Variants in INTS4 observed in about 807,000 individuals in gnomAD.
INTS4 encodes integrator complex subunit 4.
A neutral mutation model predicts 119.5 loss-of-function variants in INTS4; 70 were observed. That is an observed-to-expected ratio of 0.59 (90% CI 0.48 to 0.71). The LOEUF is 0.71. Ranked by LOEUF, INTS4 falls within the 30% of genes least tolerant of loss-of-function variation. INTS4 has a pLI of 0.00. For synonymous variants in INTS4, 316 were observed against 419.6 expected, an observed-to-expected ratio of 0.75 and a Z score of 3.02; for missense variants, 867 against 1,173.2, an observed-to-expected ratio of 0.74 and a Z score of 3.81.
chr11:77,922,434 C>A lies in INTS4; in HGVS notation c.1552G>T (p.Val518Leu). The change falls in exon 13 of 23, where the codon GTG becomes TTG. Residue 518 changes from valine to leucine, a missense_variant. Physicochemically the swap from Val to Leu is conservative, Grantham distance 32. Coordinates refer to ENST00000534064, the MANE Select transcript of INTS4 (RefSeq NM_033547.4). Reference sequence around the variant, plus strand: ...AGAAGCTCTGGCACCAAGGGAAGCACCAGGGTTGGATGCCGACTTCCCAGA... The same window carrying A: ...AGAAGCTCTGGCACCAAGGGAAGCAACAGGGTTGGATGCCGACTTCCCAGA... ...KFLGSRHPTL[V>L]LPLVPELLST... 2.7e-6 allele frequency: 4 copies of A among 1,505,446 alleles called. No homozygotes were observed. The South Asian group carries it at 3.8e-5, about 14-fold the overall frequency. 93.3% of individuals were successfully genotyped at this position (1,505,446 alleles called of 1,614,324 possible). A position where few individuals can be genotyped will look rare whatever the true frequency, so the allele number is the denominator to read the frequency against.
intron 8 of INTS4, among the ~76,000 whole-genome samples, chr11:77,950,846 A>G (rs1174867154): frequency 6.8e-6 from 1 of 147,974 alleles, no homozygotes; most frequent in Non-Finnish European, 1.5e-5. Context: ...AACATTAGGT[A>G]TATCTCCTAA....
intron 3 of INTS4, 116 bp from the exon 4 acceptor site, chr11:77,979,218 C>A (rs183544098): frequency 7.1e-4 from 412 of 583,654 alleles, no homozygotes; most frequent in African/African-American, 6.7e-3. Flanking sequence ...CAACTGTAAT[C>A]CCAGCACTTT....
intron 21 of INTS4, among the ~76,000 whole-genome samples, chr11:77,887,856 C>T (rs1333895680): frequency 6.6e-6 from 1 of 152,148 alleles, no homozygotes; most frequent in Non-Finnish European, 1.5e-5. Flanking sequence ...CCTAGGAATC[C>T]AACTTACAAG....
intron 18 of INTS4, among the ~76,000 whole-genome samples, chr11:77,895,650 A>C (rs1453560682): frequency 6.6e-6 from 1 of 151,220 alleles, no homozygotes; most frequent in African/African-American, 2.4e-5. Context: ...AAGGAGTGAG[A>C]GGGCTAGAAG....
At chr11:77,931,276 A>G (rs541626755) in intron 10 of INTS4, among the ~76,000 whole-genome samples, 1 of 152,258 alleles carries the variant, frequency 6.6e-6, no homozygotes, top group Non-Finnish European at 1.5e-5. Context: ...TGGATAAATT[A>G]GAAGACTAGA....
At chr11:77,974,519 G>C (rs920176087) in intron 4 of INTS4, among the ~76,000 whole-genome samples, 3 of 151,254 alleles carry the variant, frequency 2.0e-5, no homozygotes, top group African/African-American at 7.3e-5. Context: ...GGGATTACAG[G>C]TGTGAGCCAC....
chr11:77,929,875 G>A (rs1207600677), intron 10 of INTS4, among the ~76,000 whole-genome samples: 4 of 152,156 alleles, frequency 2.6e-5, no homozygotes, highest in South Asian at 2.1e-4. Context: ...TAGGGACCCT[G>A]CCTGGCATAT....
chr11:77,955,574 C>A (rs1954299113), intron 8 of INTS4, among the ~76,000 whole-genome samples: 1 of 151,504 alleles, frequency 6.6e-6, no homozygotes, highest in Non-Finnish European at 1.5e-5. Flanking sequence ...TGGCTCACTG[C>A]AACTTCTGCC....
At chr11:77,948,156 G>C (rs1033267511) in intron 8 of INTS4, among the ~76,000 whole-genome samples, 7 of 151,208 alleles carry the variant, frequency 4.6e-5, no homozygotes, top group Admixed American at 6.6e-5. Flanking sequence ...CCTAACTGAA[G>C]ACTCTGTAGT....
chr11:77,966,920 C>G (rs1349480245), intron 4 of INTS4, among the ~76,000 whole-genome samples: 1 of 152,146 alleles, frequency 6.6e-6, no homozygotes, highest in East Asian at 1.9e-4. Context: ...TTTTAGGGAA[C>G]TGTCATACTG....
chr11:77,874,923 G>A (rs1176574991), downstream of INTS4, among the ~76,000 whole-genome samples: 1 of 152,000 alleles, frequency 6.6e-6, no homozygotes, highest in Non-Finnish European at 1.5e-5. Context: ...TGTAATCCCA[G>A]CTAGTCTACT....
intron 3 of INTS4, among the ~76,000 whole-genome samples, 198 bp from the exon 4 acceptor site, chr11:77,979,300 G>A (rs1476848867): frequency 5.3e-5 from 8 of 151,944 alleles, no homozygotes; most frequent in African/African-American, 9.7e-5. Flanking sequence ...GGGAGACTCC[G>A]TTTCTACAAA....
Position 77,891,436 on chromosome 11 carries a change from G to C in INTS4, c.2475C>G (p.Ile825Met). The C allele has an allele frequency of 6.2e-7, 1 of 1,613,760 alleles. No homozygotes were observed. The highest frequency in any genetic ancestry group is 1.1e-5 in the South Asian group (1 of 90,992). The change falls in exon 21 of 23, where the codon ATC (isoleucine) becomes ATG (methionine). Residue 825 changes from isoleucine to methionine, a missense_variant. By Grantham distance (10) the Ile-to-Met change is conservative. Coordinates refer to ENST00000534064, the MANE Select transcript of INTS4 (RefSeq NM_033547.4). ...GGTTGTCTGACTCGCCCGCTGGCTCGATGATGGTGGCTGAGGCTTTGTGGA... is the reference window on the plus strand; with the variant it reads ...GGTTGTCTGACTCGCCCGCTGGCTCCATGATGGTGGCTGAGGCTTTGTGGA... Reference protein sequence around the residue: ...EQIHKASATIIEPAGESDNPL... With the variant: ...EQIHKASATIMEPAGESDNPL...
rs1442290316 is a variant in INTS4, at chr11:77,978,987, T to C, written c.471+9A>G. ...TTAGGATGGATCTGAATAGATTTTA[T>C]ACTCTTACCTTGCAGGCCACATCAA... is the stretch of plus-strand genomic sequence containing the variant. On this transcript the variant is annotated intron_variant, in intron 4 of 22. Coordinates refer to ENST00000534064, the MANE Select transcript of INTS4 (RefSeq NM_033547.4). The C allele has an allele frequency of 8.3e-6, 13 of 1,559,508 alleles. No individual in the cohort carries two copies. The highest frequency in any genetic ancestry group is 1.1e-5 in the Non-Finnish European group (13 of 1,130,878).
rs1458198480 is a variant in INTS4 at position 77,928,532 on chromosome 11, G to A, written c.1181C>T (p.Ala394Val). The stretch of plus-strand genomic sequence containing the variant: ...GGCCAACATGCAGAGGGCCTCCACA[G>A]CAGCAATACGAACCTCTAGAAAAAA... ...EDEMYEVRIA[A>V]VEALCMLAQS... Residue 394 changes from alanine (A) to valine (V), a missense_variant, in exon 11 of 23, where the codon GCT (alanine) becomes GTT (valine). Physicochemically the swap from Ala to Val is moderately conservative, Grantham distance 64 (BLOSUM62 0). Around this residue, in one of 5 missense-constraint regions of INTS4, gnomAD observed 208 missense variants for 306.6 expected, o/e 0.68. Coordinates refer to ENST00000534064, the MANE Select transcript of INTS4 (RefSeq NM_033547.4). 6.3e-7 allele frequency: 1 copy of A among 1,577,692 alleles called. No individual in the cohort carries two copies. The highest frequency in any genetic ancestry group is 1.2e-5 in the South Asian group (1 of 86,792).
intron 8 of INTS4, among the ~76,000 whole-genome samples, chr11:77,942,261 G>A (rs1169937335): frequency 6.6e-6 from 1 of 152,166 alleles, no homozygotes; most frequent in Non-Finnish European, 1.5e-5. Context: ...TGATGCCATG[G>A]GAACGGAGAG....
intron 4 of INTS4, among the ~76,000 whole-genome samples, chr11:77,972,731 T>C (rs1855781358): frequency 6.6e-6 from 1 of 152,088 alleles, no homozygotes; most frequent in African/African-American, 2.4e-5. Context: ...CTCTCAATTC[T>C]ATTCCATTTA....
intron 15 of INTS4, among the ~76,000 whole-genome samples, chr11:77,916,537 T>G (rs1187911343): frequency 6.6e-6 from 1 of 152,242 alleles, no homozygotes; most frequent in African/African-American, 2.4e-5. Context: ...ATGACTGTAT[T>G]AGCTCAGACG....
At position 77,941,255 on chromosome 11, in the gene INTS4, T is replaced by C. The variant is rs746704736; in HGVS notation, c.919-4A>G. The C allele has an allele frequency of 8.1e-6, 13 of 1,599,304 alleles. No individual in the cohort carries two copies. In the East Asian group the frequency reaches 1.8e-4, roughly 22 times the overall value. On this transcript the variant is annotated splice_polypyrimidine_tract_variant and splice_region_variant and intron_variant, in intron 8 of 22. Transcript: ENST00000534064. The stretch of plus-strand genomic sequence containing the variant: ...AACTGACTTGCTCCATAGAGCCCTA[T>C]AAAAAGAAAAATCCAGAGCATATAA...
Sources: gnomAD v4.1 joint callset for allele counts (sites outside exome capture counted in the v4.1 genomes callset) on GRCh38, gnomAD v4.1.1 for gene constraint, gnomAD v4.1.1 regional missense constraint, MANE v1.5 for transcripts, NCBI Gene and HGNC (gene_info 2026-07-23, HGNC 2026-07-21) for gene names.